Variants in TTLL11 observed in about 807,000 individuals in gnomAD.
TTLL11 encodes tubulin polyglutamylase TTLL11.
A neutral mutation model predicts 51.7 loss-of-function variants in TTLL11; 42 were observed. That is an observed-to-expected ratio of 0.81 (90% confidence interval 0.64 to 1.05). The LOEUF is 1.05. Ranked by LOEUF, TTLL11 falls within the 50% of genes least tolerant of loss-of-function variation. The probability of loss-of-function intolerance (pLI) is 0.00; values close to 1 mark genes in which losing one functional copy is unlikely to be tolerated. For missense variants in TTLL11, 799 were observed against 940.4 expected, an observed-to-expected ratio of 0.85 and a Z score of 1.97; for synonymous variants, 381 against 383.5, an observed-to-expected ratio of 0.99 and a Z score of 0.08.
chr9:121,989,801 A>C lies in TTLL11; in HGVS notation c.694-31T>G, dbSNP rs373716917. 1 of 1,559,802 alleles carries C rather than the reference A, an allele frequency of 6.4e-7. No homozygotes were observed. Among genetic ancestry groups the C allele is most frequent in the Non-Finnish European group, 8.7e-7 (1 of 1,154,310 alleles). On this transcript the variant is annotated intron_variant, in intron 3 of 8. Coordinates refer to ENST00000321582, the MANE Select transcript of TTLL11 (RefSeq NM_001139442.2). The surrounding 1 kb of genome is among the most constrained non-coding windows in gnomAD (Gnocchi z 4.2). ...GGGGGAAAAAAGGATGGCCGACATT[A>C]TATTGTTTTCCCTCTGGATCCCTAA...
chr9:121,948,704 C>T (rs1320226984), intron 6 of TTLL11, among the ~76,000 whole-genome samples: 1 of 152,220 alleles, frequency 6.6e-6, no homozygotes, highest in Non-Finnish European at 1.5e-5. Flanking sequence ...AGTTCAGGAT[C>T]TGGGGCCTCA....
chr9:121,914,237 G>T (rs142456901), intron 6 of TTLL11, among the ~76,000 whole-genome samples: 191 of 152,234 alleles, frequency 1.3e-3, no homozygotes, highest in African/African-American at 4.5e-3. Context: ...TTAATATATC[G>T]TCTACAGCCA....
Position 121,948,178 on chromosome 9 carries a change from T to C in TTLL11, c.1481+25831A>G, listed in dbSNP as rs544583420. The stretch of plus-strand genomic sequence containing the variant: ...CATCCCTATTTTACAGAGGAGAACA[T>C]AGAGATGTAGATAGCTGAAAGCATT... On this transcript the variant is annotated intron_variant, in intron 6 of 8. Transcript: ENST00000321582. 1.2e-4 allele frequency among the ~76,000 whole-genome samples: 18 copies of C among 152,238 alleles called. No homozygotes were observed. In the South Asian group the frequency reaches 3.5e-3, roughly 30 times the overall value.
chr9:122,039,242 T>C lies in TTLL11; in HGVS notation c.559+30A>G, dbSNP rs375913838. 13 of 1,582,278 alleles carry C rather than the reference T, an allele frequency of 8.2e-6. No homozygotes were observed. The African/African-American group carries it at 1.2e-4, about 15-fold the overall frequency. On this transcript the variant is annotated intron_variant, in intron 2 of 8. Transcript: ENST00000321582. ...TATCTGAGACTTGGCCCTAGAAACA[T>C]GTTTAAATGTCAACAATAACAGCAG...
At chr9:121,936,569 A>C (rs1221517210) in intron 6 of TTLL11, among the ~76,000 whole-genome samples, 1 of 152,208 alleles carries the variant, frequency 6.6e-6, no homozygotes, top group African/African-American at 2.4e-5. Flanking sequence ...TAGGGTTCCT[A>C]CTGGCACTGA....
intron 1 of TTLL11, among the ~76,000 whole-genome samples, chr9:122,061,820 T>C (rs1845440849): frequency 6.6e-6 from 1 of 152,094 alleles, no homozygotes; most frequent in Non-Finnish European, 1.5e-5. Context: ...GTATTTTTAG[T>C]AGAGATGGGG....
chr9:121,892,566 C>T (rs544828334), intron 6 of TTLL11, among the ~76,000 whole-genome samples: 29 of 152,106 alleles, frequency 1.9e-4, no homozygotes, highest in Non-Finnish European at 2.9e-4. Context: ...TCCCACAACA[C>T]GTGGGAATTA....
chr9:122,051,694 C>A (rs1845164870), intron 1 of TTLL11, among the ~76,000 whole-genome samples: 1 of 152,184 alleles, frequency 6.6e-6, no homozygotes, highest in Non-Finnish European at 1.5e-5. Flanking sequence ...GCTGGTTGAG[C>A]TCTCTGTCCC....
At position 121,989,227 on chromosome 9, in the gene TTLL11, G is replaced by A; in HGVS notation, c.1237C>T (p.Pro413Ser). ...CACGTGGGGCCCGGCCTCCCCGTGGGGATGTCTGACTGGTAGAAGACTTTG... is the reference window on the plus strand; with the variant it reads ...CACGTGGGGCCCGGCCTCCCCGTGGAGATGTCTGACTGGTAGAAGACTTTG... ...ELKVFYQSDIPTGRPGPTCFQ... is the reference protein window; with the variant it reads ...ELKVFYQSDISTGRPGPTCFQ... The change falls in exon 4 of 9, where the codon CCC becomes TCC. Residue 413 changes from proline to serine, a missense_variant. Pro to Ser is a moderately conservative substitution (Grantham distance 74). Around this residue, in one of 3 missense-constraint regions of TTLL11, gnomAD observed 468 missense variants for 612.8 expected, o/e 0.76. Coordinates refer to ENST00000321582, the MANE Select transcript of TTLL11 (RefSeq NM_001139442.2). This position sits in a 1 kb window ranked among gnomAD's most constrained non-coding sequence, Gnocchi z 4.2. The A allele has an allele frequency of 1.2e-6, 2 of 1,614,114 alleles. No individual in the cohort carries two copies. Among genetic ancestry groups the A allele is most frequent in the South Asian group, 2.2e-5 (2 of 91,078 alleles).
At chr9:122,007,350 G>A (rs1843685064) in intron 3 of TTLL11, among the ~76,000 whole-genome samples, 1 of 151,874 alleles carries the variant, frequency 6.6e-6, no homozygotes, top group African/African-American at 2.4e-5. Flanking sequence ...TTAGCTGGGT[G>A]TGGTGGCGGA....
intron 6 of TTLL11, among the ~76,000 whole-genome samples, chr9:121,953,279 ATCTTTGTCTGGGGTACTATATAAGG>A (rs1841903391): frequency 6.6e-6 from 1 of 152,152 alleles, no homozygotes; most frequent in Non-Finnish European, 1.5e-5. Context: ...CAATTTAGAG[ATCTTTGTCTGGGGTACTATATAAGG>A]TGGGTCAAAT....
rs1268047825 is a variant in TTLL11, at chr9:121,875,688, A to C, written c.1482-4940T>G. ...CATGTTGAGATCCAAGCCATCACAA[A>C]TATGTAAGATCCTGTTTTTACTTAA... On this transcript the variant is annotated intron_variant, in intron 6 of 8. Transcript: ENST00000321582. 2.0e-5 allele frequency among the ~76,000 whole-genome samples: 3 copies of C among 152,344 alleles called. No individual in the cohort carries two copies. In the East Asian group the frequency reaches 5.8e-4, roughly 29 times the overall value.
At chr9:122,003,641 C>T (rs1180838514) in intron 3 of TTLL11, among the ~76,000 whole-genome samples, 2 of 151,370 alleles carry the variant, frequency 1.3e-5, no homozygotes, top group Non-Finnish European at 2.9e-5. Context: ...CCTGCCACCA[C>T]ACCCAGCTAA....
At position 121,870,481 on chromosome 9, in the gene TTLL11, G is replaced by T. The variant is rs1189946856; in HGVS notation, c.1733+16C>A. ...CCAGCCCAAAGCCCAAGCCAGAGGG[G>T]GCTGTTCTCACTGACCTTATGAAGG... On this transcript the variant is annotated intron_variant, in intron 7 of 8. Coordinates refer to ENST00000321582, the MANE Select transcript of TTLL11 (RefSeq NM_001139442.2). The T allele has an allele frequency of 2.6e-6, 4 of 1,549,512 alleles. No homozygotes were observed. The highest frequency in any genetic ancestry group is 3.5e-6 in the Non-Finnish European group (4 of 1,145,876).
chr9:122,039,787 T>C (rs986255247), intron 1 of TTLL11, among the ~76,000 whole-genome samples: 1 of 151,914 alleles, frequency 6.6e-6, no homozygotes, highest in African/African-American at 2.4e-5. Flanking sequence ...TCCAAGCCCA[T>C]ACATCCCTTC....
chr9:121,897,280 C>T (rs954638501), intron 6 of TTLL11, among the ~76,000 whole-genome samples: 2 of 152,132 alleles, frequency 1.3e-5, no homozygotes, highest in African/African-American at 4.8e-5. Flanking sequence ...CCAGGCAGGA[C>T]ACAGGCCCAG....
chr9:121,883,551 G>C (rs10760202), intron 6 of TTLL11, among the ~76,000 whole-genome samples: 71,365 of 152,022 alleles, frequency 0.47, 17,389 homozygotes, highest in East Asian at 0.84. Context: ...TAAAGAATCT[G>C]ACTAATAAAT....
At chr9:122,066,836 G>A (rs1845597143) in intron 1 of TTLL11, among the ~76,000 whole-genome samples, 1 of 152,098 alleles carries the variant, frequency 6.6e-6, no homozygotes, top group African/African-American at 2.4e-5. Flanking sequence ...GAGGCCTCAG[G>A]AAACTTAAAA....
intron 6 of TTLL11, among the ~76,000 whole-genome samples, chr9:121,926,534 T>C (rs1290577510): frequency 6.6e-6 from 1 of 151,918 alleles, no homozygotes; most frequent in Non-Finnish European, 1.5e-5. Context: ...GCCCTGGAGG[T>C]GGTGCTCTTC....
Sources: allele counts gnomAD v4.1 joint callset (sites outside exome capture counted in the v4.1 genomes callset), GRCh38; gene constraint gnomAD v4.1.1; regional missense constraint gnomAD v4.1.1; non-coding constraint Gnocchi (gnomAD v3.1); transcripts MANE v1.5; gene names NCBI Gene and HGNC (gene_info 2026-07-23, HGNC 2026-07-21).